The following UTRN variants were observed in gnomAD, a reference collection of about 807,000 sequenced individuals.
The protein encoded by UTRN is utrophin.
UTRN carries 283 observed loss-of-function variants against 463.9 expected under a neutral mutation model. The observed-to-expected ratio is 0.61, with a 90% CI of 0.55 to 0.67. The LOEUF is 0.67. Among genes scored for constraint, UTRN ranks in the 30% least tolerant of loss-of-function variants. The pLI is 0.00. For synonymous variants in UTRN, 1,442 were observed against 1,431.5 expected (o/e 1.01, Z -0.17); for missense variants, 3,922 against 4,084.3 (o/e 0.96, Z 1.08).
chr6:144,370,234 G>T (rs1269170561), intron 2 of UTRN, among the ~76,000 whole-genome samples: 1 of 152,202 alleles, frequency 6.6e-6, no homozygotes, highest in Non-Finnish European at 1.5e-5. Flanking sequence ...AAGCCAGGAG[G>T]TCTAGGAGGG....
At chr6:144,502,240 T>G (rs888216989) in intron 34 of UTRN, among the ~76,000 whole-genome samples, 7 of 152,238 alleles carry the variant, frequency 4.6e-5, no homozygotes, top group Admixed American at 2.0e-4. Context: ...ATTCACTTTT[T>G]TTTTCTACTA....
chr6:144,441,492 A>G (rs1787157073), intron 13 of UTRN, among the ~76,000 whole-genome samples: 1 of 152,200 alleles, frequency 6.6e-6, no homozygotes, highest in Non-Finnish European at 1.5e-5. Flanking sequence ...GTAGGTTCCC[A>G]TGGTCTTGGG....
chr6:144,373,196 T>G (rs1320131128), intron 2 of UTRN, among the ~76,000 whole-genome samples: 2 of 152,184 alleles, frequency 1.3e-5, no homozygotes, highest in Non-Finnish European at 2.9e-5. Context: ...AAAACATATG[T>G]TCACACAAAA....
intron 41 of UTRN, among the ~76,000 whole-genome samples, chr6:144,528,183 C>T (rs1041577340): frequency 1.8e-4 from 27 of 152,048 alleles, no homozygotes; most frequent in Non-Finnish European, 1.3e-4. Flanking sequence ...ATTCCAGACA[C>T]GCATCACCAC....
At chr6:144,815,515 A>C (rs1779000383) in intron 65 of UTRN, among the ~76,000 whole-genome samples, 1 of 152,236 alleles carries the variant, frequency 6.6e-6, no homozygotes, top group Non-Finnish European at 1.5e-5. Context: ...CCGACAGTGC[A>C]GCCTTCAGTC....
intron 22 of UTRN, among the ~76,000 whole-genome samples, chr6:144,461,669 G>A (rs918503300): frequency 3.9e-5 from 6 of 152,124 alleles, no homozygotes; most frequent in Non-Finnish European, 7.3e-5. Flanking sequence ...TTTCTGCATC[G>A]AATAGGAATG....
chr6:144,587,857 C>G (rs1038809495), intron 51 of UTRN, among the ~76,000 whole-genome samples: 1 of 152,144 alleles, frequency 6.6e-6, no homozygotes, highest in Non-Finnish European at 1.5e-5. Context: ...AGCTCAGAGT[C>G]ATGACCCTCT....
chr6:144,396,350 A>G (rs1341240599), intron 2 of UTRN, among the ~76,000 whole-genome samples: 1 of 152,168 alleles, frequency 6.6e-6, no homozygotes, highest in Non-Finnish European at 1.5e-5. Context: ...CGGACAGTAG[A>G]TTAGCTATTA....
chr6:144,634,749 A>G (rs541329452), intron 51 of UTRN, among the ~76,000 whole-genome samples: 5 of 152,320 alleles, frequency 3.3e-5, no homozygotes, highest in Admixed American at 1.3e-4. Context: ...AGTATTTCAT[A>G]TAAATAGAAT....
At chr6:144,352,979 G>A (rs1229074831) in intron 2 of UTRN, among the ~76,000 whole-genome samples, 1 of 151,778 alleles carries the variant, frequency 6.6e-6, no homozygotes, top group African/African-American at 2.4e-5. Flanking sequence ...GTCTTGCTCT[G>A]TCAACCAAGC....
chr6:144,425,461 A>G (rs1213179899), intron 6 of UTRN, among the ~76,000 whole-genome samples: 1 of 152,194 alleles, frequency 6.6e-6, no homozygotes, highest in Non-Finnish European at 1.5e-5. Context: ...AGTTTTTATC[A>G]AACTTTTAGC....
chr6:144,507,749 C>A (rs1378208572), intron 34 of UTRN, among the ~76,000 whole-genome samples: 1 of 152,148 alleles, frequency 6.6e-6, no homozygotes, highest in African/African-American at 2.4e-5. Flanking sequence ...GGTCAGGGAC[C>A]CACTTGAGGA....
chr6:144,442,014 T>G (rs1787226341), intron 13 of UTRN, among the ~76,000 whole-genome samples: 1 of 152,048 alleles, frequency 6.6e-6, no homozygotes, highest in East Asian at 1.9e-4. Flanking sequence ...ACAAAACCAT[T>G]TTTTCCTCCT....
intron 46 of UTRN, among the ~76,000 whole-genome samples, chr6:144,546,525 G>T (rs1013044042): frequency 6.6e-6 from 1 of 152,096 alleles, no homozygotes. Context: ...AAGATGCTGG[G>T]CACAGTGAAT....
chr6:144,756,077 T>C (rs536450744), intron 57 of UTRN, among the ~76,000 whole-genome samples: 1 of 152,252 alleles, frequency 6.6e-6, no homozygotes, highest in South Asian at 2.1e-4. Flanking sequence ...ATATACTGTG[T>C]ACCTAGATGC....
At chr6:144,335,655 G>T (rs1776661984) in intron 2 of UTRN, among the ~76,000 whole-genome samples, 1 of 152,118 alleles carries the variant, frequency 6.6e-6, no homozygotes, top group Non-Finnish European at 1.5e-5. Flanking sequence ...CAGCTGCCTG[G>T]CTCTCTCAAA....
At chr6:144,770,625 C>G (rs1028578939) in intron 58 of UTRN, among the ~76,000 whole-genome samples, 11 of 151,836 alleles carry the variant, frequency 7.2e-5, no homozygotes, top group African/African-American at 1.4e-4. Context: ...ACCTAAGAAA[C>G]TTAATTGAAG....
chr6:144,318,808 T>G (rs576097098), intron 2 of UTRN, among the ~76,000 whole-genome samples: 58 of 152,260 alleles, frequency 3.8e-4, no homozygotes, highest in African/African-American at 1.3e-3. Context: ...TGTTGGCTCA[T>G]ACCTGTAATC....
intron 15 of UTRN, 126 bp downstream of exon 15, chr6:144,447,444 T>C (rs1274163691): frequency 1.6e-6 from 2 of 1,250,086 alleles, no homozygotes; most frequent in Admixed American, 2.4e-5. Context: ...ACTGCTGCCC[T>C]GTAACAATCT....
Sources: allele counts gnomAD v4.1 joint callset (sites outside exome capture counted in the v4.1 genomes callset), GRCh38; gene constraint gnomAD v4.1.1; transcripts MANE v1.5; gene names NCBI Gene and HGNC (gene_info 2026-07-23, HGNC 2026-07-21).